Variants in SCN1A observed in about 807,000 individuals in gnomAD.
The protein encoded by SCN1A is sodium voltage-gated channel alpha subunit 1, also known as sodium channel protein type 1 subunit alpha.
A neutral mutation model predicts 193.7 loss-of-function variants in SCN1A; 13 were observed. The observed-to-expected ratio is 0.07, with a 90% confidence interval of 0.04 to 0.11. The LOEUF is 0.11. Among genes scored for constraint, SCN1A ranks in the 10% least tolerant of loss-of-function variants. The pLI is 1.00. For synonymous variants in SCN1A, 781 were observed against 843.6 expected, an observed-to-expected ratio of 0.93 and a Z score of 1.29; for missense variants, 1,432 against 2,451.1, an observed-to-expected ratio of 0.58 and a Z score of 8.78.
intron 26 of SCN1A, among the ~76,000 whole-genome samples, chr2:165,997,010 ATGTT>A (rs1343434504): frequency 1.3e-5 from 2 of 151,386 alleles, no homozygotes; most frequent in East Asian, 1.9e-4. Flanking sequence ...CAAAAACAGA[ATGTT>A]TGGTGACAGT....
Position 166,037,799 on chromosome 2 carries a change from C to A in SCN1A, c.2923G>T (p.Val975Phe). 1 of 1,614,060 alleles carries A rather than the reference C, an allele frequency of 6.2e-7. No individual in the cohort carries two copies. The highest frequency in any genetic ancestry group is 1.1e-5 in the South Asian group (1 of 91,076). The change falls in exon 18 of 29, where the codon GTC becomes TTC. Residue 975 changes from valine to phenylalanine, a missense_variant. Coordinates refer to ENST00000674923, the MANE Select transcript of SCN1A (RefSeq NM_001165963.4). ...QAMCLTVFMM[V>F]MVIGNLVVLN... ...ACCACTAGGTTTCCAATCACCATGA[C>A]CATCATGAAGACAGTAAGGCACATG...
At chr2:166,146,176 A>G (rs1326090652) in intron 1 of SCN1A, among the ~76,000 whole-genome samples, 2 of 152,176 alleles carry the variant, frequency 1.3e-5, no homozygotes, top group African/African-American at 4.8e-5. Context: ...TAAGTCCCTG[A>G]TAAGTTGCAG....
chr2:166,121,693 C>T (rs1184713655), intron 2 of SCN1A, among the ~76,000 whole-genome samples: 1 of 152,142 alleles, frequency 6.6e-6, no homozygotes, highest in Non-Finnish European at 1.5e-5. Flanking sequence ...ATAACCACAA[C>T]AGTTTCATCA....
chr2:166,122,622 G>A (rs188647511), intron 2 of SCN1A, among the ~76,000 whole-genome samples: 12 of 152,058 alleles, frequency 7.9e-5, no homozygotes, highest in African/African-American at 2.2e-4. Flanking sequence ...ACAATTCACC[G>A]GGGAAAGAAT....
rs182869161 is a variant in SCN1A, at chr2:165,992,634, T to C, written c.4853-212A>G. 393 of 233,256 alleles carry C rather than the reference T, an allele frequency of 1.7e-3. 2 individuals carry two copies. Among genetic ancestry groups the C allele is most frequent in the African/African-American group, 8.6e-3 (362 of 41,986 alleles). The allele number at this position is 233,256 out of a possible 1,614,324, so 14.4% of individuals were successfully genotyped here. A position where few individuals can be genotyped will look rare whatever the true frequency, so the allele number is the denominator to read the frequency against. The stretch of plus-strand genomic sequence containing the variant: ...ATAATTTCAATTATAAGGATTATAG[T>C]ACTTTTTTTTATCTTTAAGAGATGT... On this transcript the variant is annotated intron_variant, in intron 28 of 28. Coordinates refer to ENST00000674923, the MANE Select transcript of SCN1A (RefSeq NM_001165963.4). This position sits in a 1 kb window ranked among gnomAD's most constrained non-coding sequence, Gnocchi z 6.5.
chr2:166,083,990 C>T (rs1369814002), intron 2 of SCN1A, among the ~76,000 whole-genome samples: 2 of 152,060 alleles, frequency 1.3e-5, no homozygotes, highest in Admixed American at 6.6e-5. Flanking sequence ...ATTGTGGTTG[C>T]AGATTTTGAG....
intron 19 of SCN1A, among the ~76,000 whole-genome samples, chr2:166,032,258 C>T (rs5006656): frequency 0.73 from 107,411 of 146,298 alleles, 39,926 homozygotes; most frequent in East Asian, 0.89. Flanking sequence ...GAAAATCATT[C>T]CTTATAGCTT....
In SCN1A at chr2:166,113,968, G is replaced by T. The variant is rs1689576656; in HGVS notation, c.-142+12956C>A. Among the ~76,000 whole-genome samples, 2 of 151,988 alleles carry T rather than the reference G, an allele frequency of 1.3e-5. 1 individual carries two copies. The highest frequency in any genetic ancestry group is 4.1e-4 in the South Asian group (2 of 4,828). Reference sequence around the variant, plus strand: ...TAATGTGATCCTTGGATCTCATGGAGAATATTAATAATTCTCTTTCTTAGA... The same window carrying T: ...TAATGTGATCCTTGGATCTCATGGATAATATTAATAATTCTCTTTCTTAGA... On this transcript the variant is annotated intron_variant, in intron 2 of 28. Transcript: ENST00000674923.
intron 4 of SCN1A, among the ~76,000 whole-genome samples, chr2:166,067,266 A>AAGATGGTG (rs1422245805): frequency 6.6e-6 from 1 of 152,090 alleles, no homozygotes; most frequent in Non-Finnish European, 1.5e-5. Context: ...AAACAGTCCC[A>AAGATGGTG]AGATGGTGAT....
intron 23 of SCN1A, among the ~76,000 whole-genome samples, chr2:166,008,805 T>C (rs187729096): frequency 2.0e-5 from 3 of 151,080 alleles, no homozygotes; most frequent in South Asian, 2.1e-4. Flanking sequence ...AGTGTTTTTC[T>C]ATTGGAATCA....
intron 4 of SCN1A, among the ~76,000 whole-genome samples, chr2:166,067,539 A>G (rs1173725072): frequency 6.6e-6 from 1 of 151,866 alleles, no homozygotes; most frequent in African/African-American, 2.4e-5. Context: ...GCAATGGGCC[A>G]TGGAAACTCA....
At chr2:166,076,152 G>A (rs1037268390) in intron 3 of SCN1A, among the ~76,000 whole-genome samples, 6 of 151,820 alleles carry the variant, frequency 4.0e-5, no homozygotes, top group Non-Finnish European at 1.5e-5. Flanking sequence ...TGTTAAAATT[G>A]TTAGGTGATT....
At chr2:166,010,398 C>G (rs1374284069) in intron 22 of SCN1A, among the ~76,000 whole-genome samples, 2 of 151,134 alleles carry the variant, frequency 1.3e-5, no homozygotes, top group Non-Finnish European at 3.0e-5. Flanking sequence ...ACATAAGTAA[C>G]TTAGAAAGAA....
chr2:166,049,429 A>G lies in SCN1A; in HGVS notation c.965-480T>C, dbSNP rs1406881123. 6.8e-6 allele frequency among the ~76,000 whole-genome samples: 1 copy of G among 147,930 alleles called. No homozygotes were observed. The highest frequency in any genetic ancestry group is 1.5e-5 in the Non-Finnish European group (1 of 66,614). On this transcript the variant is annotated intron_variant, in intron 9 of 28. Coordinates refer to ENST00000674923, the MANE Select transcript of SCN1A (RefSeq NM_001165963.4). ...TCTGGTCCTCTCGCCTATATTTTTA[A>G]CACTATACATTTTAATAATTAAGTA... is the stretch of plus-strand genomic sequence containing the variant.
intron 4 of SCN1A, chr2:166,071,612 C>T (rs1574361225): frequency 1.3e-5 from 2 of 151,360 alleles, no homozygotes; most frequent in African/African-American, 2.4e-5. Context: ...AAATACTGGC[C>T]GGGCGCAGTG....
In SCN1A at chr2:166,019,616, G is replaced by A. The variant is rs80336465; in HGVS notation, c.3430-3889C>T. On this transcript the variant is annotated intron_variant, in intron 19 of 28. Transcript: ENST00000674923. Reference sequence around the variant, plus strand: ...TCTGAAATAACTATTTTCTCAGTCAGATTCCAAATTCCTATGAAATTTCTG... The same window carrying A: ...TCTGAAATAACTATTTTCTCAGTCAAATTCCAAATTCCTATGAAATTTCTG... Among the ~76,000 whole-genome samples the A allele has an allele frequency of 4.4e-3, 669 of 152,128 alleles. 2 individuals carry two copies. The highest frequency in any genetic ancestry group is 7.0e-3 in the Non-Finnish European group (477 of 68,002).
intron 2 of SCN1A, among the ~76,000 whole-genome samples, chr2:166,110,790 G>C (rs13035233): frequency 0.018 from 2,672 of 152,260 alleles, 35 homozygotes; most frequent in Middle Eastern, 0.037. Context: ...CATGTCATGG[G>C]AGGAACCCAG....
intron 6 of SCN1A, 56 bp from the exon 7 acceptor site, chr2:166,054,822 C>T (rs1698969087): frequency 6.5e-7 from 1 of 1,527,316 alleles, no homozygotes; most frequent in Non-Finnish European, 9.0e-7. Context: ...TCATAGCATA[C>T]CAATTTCTTA....
At chr2:166,043,090 A>G (rs1040808562) in intron 14 of SCN1A, among the ~76,000 whole-genome samples, 1 of 152,216 alleles carries the variant, frequency 6.6e-6, no homozygotes, top group Non-Finnish European at 1.5e-5. Flanking sequence ...CCACAAACAC[A>G]TAACATACCT....
Sources: allele counts gnomAD v4.1 joint callset (sites outside exome capture counted in the v4.1 genomes callset), GRCh38; gene constraint gnomAD v4.1.1; non-coding constraint Gnocchi (gnomAD v3.1); transcripts MANE v1.5; gene names NCBI Gene and HGNC (gene_info 2026-07-23, HGNC 2026-07-21).